The following CSMD1 variants were observed in gnomAD, a reference collection of about 807,000 sequenced individuals.
CSMD1 encodes CUB and Sushi multiple domains 1, also known as CUB and sushi domain-containing protein 1.
In CSMD1, 213 loss-of-function variants were observed where a neutral mutation model predicts 417.5. The observed-to-expected ratio is 0.51, with a 90% CI of 0.46 to 0.57. The LOEUF (loss-of-function observed/expected upper bound fraction) is 0.57. Among genes scored for constraint, CSMD1 ranks in the 20% least tolerant of loss-of-function variants. The pLI is 0.00. For synonymous variants in CSMD1, 2,862 were observed against 1,736.8 expected (o/e 1.65, Z -16.11); for missense variants, 6,923 against 4,529.7 (o/e 1.53, Z -15.17).
chr8:3,783,916 C>G (rs1799312806), intron 5 of CSMD1, among the ~76,000 whole-genome samples: 1 of 564 alleles, frequency 1.8e-3, no homozygotes, highest in African/African-American at 2.0e-3. Context: ...TGGAGCTGGG[C>G]TGCAGTTTGA....
chr8:4,750,943 C>T (rs1000472657), intron 1 of CSMD1, among the ~76,000 whole-genome samples: 1 of 152,150 alleles, frequency 6.6e-6, no homozygotes, highest in Non-Finnish European at 1.5e-5. Context: ...AATGTTGGTG[C>T]TTACAGCCAT....
chr8:4,048,865 C>G (rs193050957), intron 3 of CSMD1, among the ~76,000 whole-genome samples: 66 of 152,294 alleles, frequency 4.3e-4, no homozygotes, highest in African/African-American at 1.5e-3. Flanking sequence ...ACAGATAGAT[C>G]AAGCTCATTT....
chr8:4,903,673 T>C (rs940950603), intron 1 of CSMD1, among the ~76,000 whole-genome samples: 6 of 152,186 alleles, frequency 3.9e-5, no homozygotes, highest in Non-Finnish European at 8.8e-5. Context: ...CAGGACTAAA[T>C]GTTTATACCA....
intron 12 of CSMD1, among the ~76,000 whole-genome samples, chr8:3,412,739 G>A (rs1185166056): frequency 6.6e-6 from 1 of 152,198 alleles, no homozygotes; most frequent in Non-Finnish European, 1.5e-5. Context: ...CATCTATAGA[G>A]AACACCTTTG....
intron 57 of CSMD1, among the ~76,000 whole-genome samples, chr8:2,972,010 CTT>C (rs1428109644): frequency 6.6e-6 from 1 of 151,754 alleles, no homozygotes; most frequent in Non-Finnish European, 1.5e-5. Flanking sequence ...CAAAAATAGT[CTT>C]TGAGAAAAAA....
At chr8:3,706,974 T>C (rs866755105) in intron 7 of CSMD1, among the ~76,000 whole-genome samples, 2 of 152,112 alleles carry the variant, frequency 1.3e-5, no homozygotes, top group Non-Finnish European at 2.9e-5. Context: ...GAAAGTGCCA[T>C]GCAAACATTT....
chr8:4,825,739 A>T (rs537299828), intron 1 of CSMD1, among the ~76,000 whole-genome samples: 16 of 151,922 alleles, frequency 1.1e-4, no homozygotes, highest in South Asian at 2.1e-4. Context: ...TAAGGGGTTA[A>T]TATCTGAGAT....
At chr8:3,401,959 T>A (rs1812064759) in intron 15 of CSMD1, among the ~76,000 whole-genome samples, 1 of 99,464 alleles carries the variant, frequency 1.0e-5, no homozygotes, top group African/African-American at 3.2e-5. Flanking sequence ...CTTCTTTGCT[T>A]TTTTTTTTTG....
At chr8:4,327,571 A>G (rs1799630455) in intron 3 of CSMD1, among the ~76,000 whole-genome samples, 1 of 152,096 alleles carries the variant, frequency 6.6e-6, no homozygotes, top group Admixed American at 6.5e-5. Context: ...GGCGCTCATC[A>G]CTGTCACTCA....
At chr8:3,764,535 C>A (rs1402425771) in intron 5 of CSMD1, among the ~76,000 whole-genome samples, 1 of 152,026 alleles carries the variant, frequency 6.6e-6, no homozygotes, top group South Asian at 2.1e-4. Context: ...GAGACATCAC[C>A]AGGTGGGGAG....
chr8:4,288,180 T>C (rs1391321779), intron 3 of CSMD1, among the ~76,000 whole-genome samples: 4 of 152,140 alleles, frequency 2.6e-5, no homozygotes, highest in Non-Finnish European at 4.4e-5. Context: ...AGAACACTTT[T>C]CTTTTTTACT....
intron 4 of CSMD1, among the ~76,000 whole-genome samples, chr8:4,003,473 T>C (rs553201897): frequency 8.6e-5 from 13 of 151,616 alleles, no homozygotes; most frequent in African/African-American, 3.1e-4. Flanking sequence ...AACAGATACA[T>C]GGGAAAAAAA....
chr8:3,521,510 C>A (rs1231415327), intron 10 of CSMD1, among the ~76,000 whole-genome samples: 1 of 152,156 alleles, frequency 6.6e-6, no homozygotes, highest in African/African-American at 2.4e-5. Flanking sequence ...CCCTGTATTA[C>A]AATGATCTGC....
chr8:3,487,177 G>A (rs1042211043), intron 11 of CSMD1, among the ~76,000 whole-genome samples: 12 of 150,330 alleles, frequency 8.0e-5, no homozygotes, highest in Non-Finnish European at 1.6e-4. Flanking sequence ...AGACAACAGT[G>A]ATTGATGTAT....
At chr8:4,127,263 C>A (rs1006765767) in intron 3 of CSMD1, among the ~76,000 whole-genome samples, 13 of 151,934 alleles carry the variant, frequency 8.6e-5, no homozygotes, top group African/African-American at 2.9e-4. Context: ...ACAGGCCCCG[C>A]TCCAGGTTAT....
intron 26 of CSMD1, among the ~76,000 whole-genome samples, chr8:3,238,868 G>T (rs1049738864): frequency 5.9e-4 from 90 of 152,258 alleles, no homozygotes; most frequent in African/African-American, 1.9e-3. Context: ...GTAATGGCTT[G>T]GAGAAATAGT....
intron 26 of CSMD1, among the ~76,000 whole-genome samples, chr8:3,249,118 G>A (rs17079694): frequency 0.064 from 9,770 of 152,194 alleles, 351 homozygotes; most frequent in African/African-American, 0.099. Context: ...CTTAGCCCGA[G>A]AATTGGCCCC....
chr8:4,248,763 C>T (rs1802864781), intron 3 of CSMD1, among the ~76,000 whole-genome samples: 1 of 152,100 alleles, frequency 6.6e-6, no homozygotes, highest in Non-Finnish European at 1.5e-5. Flanking sequence ...TTATTAAGCG[C>T]ATGGTTTACT....
chr8:3,640,717 G>C (rs1400650863), intron 7 of CSMD1, among the ~76,000 whole-genome samples: 1 of 152,158 alleles, frequency 6.6e-6, no homozygotes, highest in South Asian at 2.1e-4. Context: ...CAGTTGTGTA[G>C]AAACCATGTT....
Sources: allele counts gnomAD v4.1 joint callset (sites outside exome capture counted in the v4.1 genomes callset), GRCh38; gene constraint gnomAD v4.1.1; transcripts MANE v1.5; gene names NCBI Gene and HGNC (gene_info 2026-07-23, HGNC 2026-07-21).